The following CFAP77 variants were observed in gnomAD, a reference collection of about 807,000 sequenced individuals.
CFAP77 encodes the protein cilia and flagella associated protein 77, also known as cilia- and flagella-associated protein 77.
CFAP77 carries 25 observed loss-of-function variants against 31.1 expected under a neutral mutation model. That is an observed-to-expected ratio of 0.80 (90% CI 0.59 to 1.12). The LOEUF (loss-of-function observed/expected upper bound fraction) is 1.12, where lower values mean the gene tolerates loss of function less well. CFAP77 is among the 50% of genes most tolerant of loss of function. The pLI is 0.00. For missense variants in CFAP77, 377 were observed against 397.3 expected (o/e 0.95, Z 0.44); for synonymous variants, 151 against 159.9 (o/e 0.94, Z 0.42).
intron 1 of CFAP77, among the ~76,000 whole-genome samples, chr9:132,423,928 T>C (rs563641290): frequency 2.0e-5 from 3 of 152,356 alleles, no homozygotes; most frequent in East Asian, 1.9e-4. Context: ...AGTTAATCCA[T>C]GTGCTTATCA....
chr9:132,494,162 T>C (rs1054396182), intron 1 of CFAP77, among the ~76,000 whole-genome samples: 1 of 152,202 alleles, frequency 6.6e-6, no homozygotes, highest in Non-Finnish European at 1.5e-5. Flanking sequence ...TCTGCTTGTC[T>C]TGGCCTCCCA....
intron 1 of CFAP77, among the ~76,000 whole-genome samples, chr9:132,462,997 C>T (rs549988984): frequency 1.3e-5 from 2 of 152,158 alleles, no homozygotes; most frequent in African/African-American, 2.4e-5. Flanking sequence ...TGTATTATTG[C>T]GGAGCACCTA....
intron 3 of CFAP77, among the ~76,000 whole-genome samples, chr9:132,535,006 G>A (rs777475574): frequency 7.9e-5 from 12 of 152,290 alleles, no homozygotes; most frequent in Middle Eastern, 3.4e-3. Context: ...AGTGATCCCC[G>A]GTTCTTTTGA....
chr9:132,440,498 A>G (rs34325409), intron 1 of CFAP77, among the ~76,000 whole-genome samples: 4,416 of 152,282 alleles, frequency 0.029, 68 homozygotes, highest in Middle Eastern at 0.044. Context: ...CAGATCAGAA[A>G]ACCAAGGCTC....
At chr9:132,432,706 T>TTTTTG (rs759413134) in intron 1 of CFAP77, among the ~76,000 whole-genome samples, 6 of 150,852 alleles carry the variant, frequency 4.0e-5, no homozygotes, top group African/African-American at 9.7e-5. Flanking sequence ...TAATTTTCAT[T>TTTTTG]TTTTGTTTTG....
chr9:132,494,945 C>T (rs1851717372), intron 1 of CFAP77, among the ~76,000 whole-genome samples: 1 of 152,186 alleles, frequency 6.6e-6, no homozygotes, highest in Non-Finnish European at 1.5e-5. Flanking sequence ...GATATCTTCT[C>T]TCACGCTTTA....
At chr9:132,482,183 CTTTCT>C in intron 1 of CFAP77, 3 of 615,834 alleles carry the variant, frequency 4.9e-6, no homozygotes, top group Admixed American at 3.1e-5. Context: ...CTCTTTCTTT[CTTTCT>C]TTTTTTTTTT....
At position 132,572,230 on chromosome 9, in the gene CFAP77, G is replaced by C. The variant is rs577184974; in HGVS notation, c.733-158G>C. On this transcript the variant is annotated intron_variant, in intron 5 of 5. Coordinates refer to ENST00000393216, the MANE Select transcript of CFAP77 (RefSeq NM_001282957.2). ...CCCCTGCTCTCTGCCTCGTGGCTCA[G>C]CACCAGGAGGCTCACAGCACTTGCT... is the stretch of plus-strand genomic sequence containing the variant. 1.1e-3 allele frequency among the ~76,000 whole-genome samples: 165 copies of C among 152,064 alleles called. 1 individual carries two copies. Among genetic ancestry groups the C allele is most frequent in the African/African-American group, 3.7e-3 (152 of 41,466 alleles).
chr9:132,514,179 T>C, intron 3 of CFAP77, among the ~76,000 whole-genome samples: 1 of 149,730 alleles, frequency 6.7e-6, no homozygotes, highest in East Asian at 2.0e-4. Flanking sequence ...GAGACGCCCC[T>C]TCCCTGTGTC....
At chr9:132,429,577 G>C (rs1388479559) in intron 1 of CFAP77, among the ~76,000 whole-genome samples, 3 of 148,248 alleles carry the variant, frequency 2.0e-5, no homozygotes, top group South Asian at 2.1e-4. Flanking sequence ...GGGCCCAGTG[G>C]CTCATGCCTG....
At position 132,486,102 on chromosome 9, in the gene CFAP77, T is replaced by A. The variant is rs1478079443; in HGVS notation, c.196-12593T>A. ...TATATATATATATATTTTTTTTTTTTTTTTTTTTGAGACGGAGTCTTGTTC... is the reference window on the plus strand; with the variant it reads ...TATATATATATATATTTTTTTTTTTATTTTTTTTGAGACGGAGTCTTGTTC... On this transcript the variant is annotated intron_variant, in intron 1 of 5. Coordinates refer to ENST00000393216, the MANE Select transcript of CFAP77 (RefSeq NM_001282957.2). Among the ~76,000 whole-genome samples the A allele has an allele frequency of 7.0e-4, 64 of 91,366 alleles. 7 individuals carry two copies. The highest frequency in any genetic ancestry group is 1.0e-3 in the Non-Finnish European group (51 of 49,784). 59.9% of individuals were successfully genotyped at this position (91,366 alleles called of 152,430 possible). A position where few individuals can be genotyped will look rare whatever the true frequency, so the allele number is the denominator to read the frequency against.
intron 1 of CFAP77, among the ~76,000 whole-genome samples, chr9:132,458,342 C>CGTT (rs145223432): frequency 1.4e-5 from 1 of 71,198 alleles, no homozygotes; most frequent in Non-Finnish European, 2.9e-5. Context: ...GTCTCCCTGG[C>CGTT]GGGGGAGGGG....
intron 3 of CFAP77, among the ~76,000 whole-genome samples, chr9:132,505,577 G>C (rs1475745584): frequency 6.6e-6 from 1 of 151,696 alleles, no homozygotes; most frequent in Non-Finnish European, 1.5e-5. Flanking sequence ...GAGTTTGGCT[G>C]GTACAGTAAT....
intron 5 of CFAP77, among the ~76,000 whole-genome samples, chr9:132,563,196 G>T (rs1260655699): frequency 1.3e-5 from 2 of 151,284 alleles, no homozygotes; most frequent in African/African-American, 4.9e-5. Context: ...AATTTTTTCT[G>T]TAGAGATGGG....
At chr9:132,488,726 C>T (rs889926356) in intron 1 of CFAP77, among the ~76,000 whole-genome samples, 36 of 152,314 alleles carry the variant, frequency 2.4e-4, no homozygotes, top group Admixed American at 3.3e-4. Flanking sequence ...AGGGGGCTTC[C>T]GGGCGCTGGG....
In CFAP77 at chr9:132,492,362, G is replaced by C. The variant is rs143528160; in HGVS notation, c.196-6333G>C. On this transcript the variant is annotated intron_variant, in intron 1 of 5. Transcript: ENST00000393216. ...AGCAGACTTTACCTGGGCTTCTCCT[G>C]TGTATAAGGCTCTGTGCTGTGCACC... Among the ~76,000 whole-genome samples the C allele has an allele frequency of 1.5e-4, 23 of 151,944 alleles. No individual in the cohort carries two copies. The East Asian group carries it at 4.4e-3, about 29-fold the overall frequency.
rs1005124477 is a variant in CFAP77 at position 132,517,478 on chromosome 9, T to A, written c.524+17878T>A. 2.6e-5 allele frequency among the ~76,000 whole-genome samples: 4 copies of A among 152,224 alleles called. No individual in the cohort carries two copies. Among genetic ancestry groups the A allele is most frequent in the African/African-American group, 9.6e-5 (4 of 41,462 alleles). ...GCTACTAAACCGAATTAGTAGTCAC[T>A]GATGACCAATTATTTTAGCCTGCTG... On this transcript the variant is annotated intron_variant, in intron 3 of 5. Transcript: ENST00000393216. This position sits in a 1 kb window ranked among gnomAD's most constrained non-coding sequence, Gnocchi z 4.7.
chr9:132,483,014 G>A (rs948249722), intron 1 of CFAP77, among the ~76,000 whole-genome samples: 1 of 150,576 alleles, frequency 6.6e-6, no homozygotes, highest in African/African-American at 2.4e-5. Context: ...GCTCATGCCT[G>A]TAATCCCAGC....
At chr9:132,463,108 A>AG (rs1851088863) in intron 1 of CFAP77, among the ~76,000 whole-genome samples, 1 of 152,130 alleles carries the variant, frequency 6.6e-6, no homozygotes, top group Admixed American at 6.5e-5. Context: ...AGAGGAGGAA[A>AG]GGGTGCCTGG....
Sources: allele counts gnomAD v4.1 joint callset (sites outside exome capture counted in the v4.1 genomes callset), GRCh38; gene constraint gnomAD v4.1.1; non-coding constraint Gnocchi (gnomAD v3.1); transcripts MANE v1.5; gene names NCBI Gene and HGNC (gene_info 2026-07-23, HGNC 2026-07-21).